Variants in EMID1 observed in about 807,000 individuals in gnomAD.
EMID1 encodes the protein EMI domain containing 1, also known as EMI domain-containing protein 1.
Under a neutral mutation model 60.6 loss-of-function variants are expected in EMID1, and 40 were observed. That is an observed-to-expected ratio of 0.66 (90% CI 0.51 to 0.86). The LOEUF (loss-of-function observed/expected upper bound fraction) is 0.86. EMID1 is among the 40% of genes least tolerant of loss of function. EMID1 has a pLI of 0.00. For missense variants in EMID1, 585 were observed against 597.1 expected, an observed-to-expected ratio of 0.98 and a Z score of 0.21; for synonymous variants, 242 against 231.0, an observed-to-expected ratio of 1.05 and a Z score of -0.43.
At chr22:29,255,337 C>G in intron 14 of EMID1, 1 of 1,517,544 alleles carries the variant, frequency 6.6e-7, no homozygotes. Context: ...ACGGGTCACC[C>G]TCCTGGAAGC....
intron 12 of EMID1, among the ~76,000 whole-genome samples, chr22:29,237,743 G>C (rs1374082366): frequency 1.4e-5 from 2 of 143,940 alleles, no homozygotes; most frequent in Non-Finnish European, 3.0e-5. Context: ...GGAGCTTGCA[G>C]TGAGTGGAGA....
chr22:29,220,585 G>A (rs1410384269), intron 3 of EMID1, among the ~76,000 whole-genome samples: 3 of 117,330 alleles, frequency 2.6e-5, no homozygotes, highest in African/African-American at 9.8e-5. Context: ...GGTTGTGAAC[G>A]AGGAAGCCCT....
intron 12 of EMID1, among the ~76,000 whole-genome samples, chr22:29,236,257 G>A (rs891602120): frequency 3.9e-5 from 6 of 152,128 alleles, no homozygotes; most frequent in East Asian, 1.9e-4. Flanking sequence ...TTGGCTGGAC[G>A]TGGTAGTGTG....
chr22:29,222,054 T>C (rs958592696), intron 3 of EMID1, among the ~76,000 whole-genome samples: 5 of 152,150 alleles, frequency 3.3e-5, no homozygotes, highest in African/African-American at 1.2e-4. Context: ...ACCACAAGTT[T>C]ACAGATTAAT....
At chr22:29,231,836 T>A in intron 7 of EMID1, 154 bp downstream of exon 7, 1 of 690,568 alleles carries the variant, frequency 1.4e-6, no homozygotes, top group Non-Finnish European at 2.3e-6. Context: ...TGCCCACGCC[T>A]GGGCTCCATG....
intron 13 of EMID1, among the ~76,000 whole-genome samples, chr22:29,253,165 C>T (rs990133133): frequency 2.6e-5 from 4 of 152,156 alleles, no homozygotes; most frequent in African/African-American, 7.2e-5. Flanking sequence ...ACTTTTTTGG[C>T]CAGGGATGGT....
chr22:29,224,568 A>G (rs905932164), intron 3 of EMID1, among the ~76,000 whole-genome samples: 4 of 152,190 alleles, frequency 2.6e-5, no homozygotes, highest in Non-Finnish European at 5.9e-5. Flanking sequence ...ATTTAAAACC[A>G]GGGCTGAATC....
At chr22:29,239,869 C>T (rs141452663) in intron 12 of EMID1, among the ~76,000 whole-genome samples, 216 of 151,342 alleles carry the variant, frequency 1.4e-3, no homozygotes, top group African/African-American at 5.1e-3. Context: ...AAGTGATTCT[C>T]GTGCATCAAC....
chr22:29,219,199 C>G (rs2040197415), intron 3 of EMID1, among the ~76,000 whole-genome samples: 1 of 152,142 alleles, frequency 6.6e-6, no homozygotes. Context: ...TGCAGCAGTG[C>G]TGGCTGAGGA....
intron 12 of EMID1, among the ~76,000 whole-genome samples, chr22:29,242,481 G>A (rs11704518): frequency 0.27 from 41,070 of 151,986 alleles, 7,163 homozygotes; most frequent in Middle Eastern, 0.44. Context: ...CTCCTTTGCT[G>A]ATTCTAACAT....
intron 2 of EMID1, 76 bp from the exon 3 acceptor site, chr22:29,215,451 C>T: frequency 6.8e-7 from 1 of 1,460,436 alleles, no homozygotes; most frequent in Middle Eastern, 1.8e-4. Flanking sequence ...CTAGGTTTGT[C>T]CCCATGGGTG....
At chr22:29,215,353 AGGT>A (rs1294234337) in intron 2 of EMID1, 171 bp from the exon 3 acceptor site, 2 of 919,680 alleles carry the variant, frequency 2.2e-6, no homozygotes, top group Admixed American at 1.2e-4. Context: ...CCCTGTGGCA[AGGT>A]GGTGGGGGGA....
At chr22:29,248,800 C>T (rs929220485) in intron 13 of EMID1, among the ~76,000 whole-genome samples, 2 of 118,208 alleles carry the variant, frequency 1.7e-5, no homozygotes, top group African/African-American at 6.3e-5. Flanking sequence ...GAGATCACGC[C>T]ACTGCACTCC....
At chr22:29,221,755 C>T (rs192712602) in intron 3 of EMID1, among the ~76,000 whole-genome samples, 2 of 152,278 alleles carry the variant, frequency 1.3e-5, no homozygotes, top group Admixed American at 1.3e-4. Flanking sequence ...GCTACAGGGT[C>T]GTTTTACAAC....
At chr22:29,209,582 G>A (rs73882499) in intron 1 of EMID1, among the ~76,000 whole-genome samples, 6,899 of 152,154 alleles carry the variant, frequency 0.045, 191 homozygotes, top group East Asian at 0.097. Context: ...ATCGCTGAGC[G>A]TCCTCAGGCT....
intron 1 of EMID1, among the ~76,000 whole-genome samples, chr22:29,213,583 G>C (rs1168090949): frequency 5.9e-5 from 9 of 152,142 alleles, no homozygotes; most frequent in African/African-American, 1.9e-4. Context: ...TGCAGCGAGT[G>C]GGGGCTGCAC....
At chr22:29,245,649 T>A (rs1025616067) in intron 13 of EMID1, among the ~76,000 whole-genome samples, 1 of 152,208 alleles carries the variant, frequency 6.6e-6, no homozygotes, top group Non-Finnish European at 1.5e-5. Context: ...GGCTCCTATG[T>A]ACACTTCACC....
intron 12 of EMID1, among the ~76,000 whole-genome samples, chr22:29,235,812 C>G (rs1214200313): frequency 1.5e-5 from 1 of 65,920 alleles, no homozygotes; most frequent in African/African-American, 5.9e-5. Context: ...TTTTTTGATA[C>G]AGGGTCTTTC....
chr22:29,226,376 T>G, intron 4 of EMID1, 114 bp from the exon 5 acceptor site: 1 of 1,180,968 alleles, frequency 8.5e-7, no homozygotes, highest in Non-Finnish European at 1.2e-6. Context: ...CCCTCGTGGG[T>G]TGGGGTCATC....
Sources: gnomAD v4.1 joint callset for allele counts (sites outside exome capture counted in the v4.1 genomes callset) on GRCh38, gnomAD v4.1.1 for gene constraint, MANE v1.5 for transcripts, NCBI Gene and HGNC (gene_info 2026-07-23, HGNC 2026-07-21) for gene names.